LIN9: variants seen among roughly 807,000 people sequenced by gnomAD.
LIN9 encodes the protein protein lin-9 homolog.
In LIN9, 18 loss-of-function variants were observed where a neutral mutation model predicts 78.0. The ratio of observed to expected loss-of-function variants is 0.23; its 90% CI spans 0.16 to 0.34. The LOEUF is 0.34. Ranked by LOEUF, LIN9 falls within the 10% of genes least tolerant of loss-of-function variation. LIN9 has a pLI of 1.00. For synonymous variants in LIN9, 192 were observed against 215.2 expected (o/e 0.89, Z 0.94); for missense variants, 451 against 644.1 (o/e 0.70, Z 3.25).
intron 11 of LIN9, among the ~76,000 whole-genome samples, chr1:226,241,245 G>A (rs1237928167): frequency 1.3e-5 from 2 of 152,212 alleles, no homozygotes; most frequent in Non-Finnish European, 2.9e-5. Context: ...CAGGGATAAT[G>A]CAGGACATGC....
intron 10 of LIN9, among the ~76,000 whole-genome samples, chr1:226,260,934 C>T (rs1300570040): frequency 2.6e-5 from 4 of 151,828 alleles, no homozygotes; most frequent in African/African-American, 7.3e-5. Context: ...CGTGAGCCAC[C>T]GCACCCGGCC....
chr1:226,300,830 T>C (rs1662486577), intron 2 of LIN9, among the ~76,000 whole-genome samples: 1 of 152,222 alleles, frequency 6.6e-6, no homozygotes, highest in East Asian at 1.9e-4. Flanking sequence ...TACTCCAGCC[T>C]GGGCAACAGA....
rs188338577 is a variant in LIN9, at chr1:226,299,049, A to G, written c.65-1236T>C. Among the ~76,000 whole-genome samples, 171 of 152,352 alleles carry G rather than the reference A, an allele frequency of 1.1e-3. 1 individual carries two copies. Among genetic ancestry groups the G allele is most frequent in the African/African-American group, 3.8e-3 (158 of 41,584 alleles). ...ATGATTAGACATATTGTGAAAATAA[A>G]GAGGGGTAAGTTTAATTTTTGTAAA... On this transcript the variant is annotated intron_variant, in intron 2 of 14. Transcript: ENST00000681046.
intron 7 of LIN9, among the ~76,000 whole-genome samples, chr1:226,275,709 A>G (rs562738933): frequency 1.3e-4 from 19 of 146,062 alleles, no homozygotes; most frequent in Middle Eastern, 3.6e-3. Context: ...AAAAAAAAAA[A>G]AAAGAAAAAA....
In LIN9 at chr1:226,265,389, A is replaced by G; in HGVS notation, c.1038+144T>C. ...GTCTTTTTTGGTTTTTATAACTTTT[A>G]TTTTCAGGCTTTGTTGGAAATAGCA... On this transcript the variant is annotated intron_variant, in intron 10 of 14. Transcript: ENST00000681046. This position sits in a 1 kb window ranked among gnomAD's most constrained non-coding sequence, Gnocchi z 4.1. The G allele has an allele frequency of 4.4e-6, 2 of 459,602 alleles. No individual in the cohort carries two copies. The highest frequency in any genetic ancestry group is 7.8e-6 in the Non-Finnish European group (2 of 257,738). 28.5% of individuals were successfully genotyped at this position (459,602 alleles called of 1,614,324 possible). A position where few individuals can be genotyped will look rare whatever the true frequency, so the allele number is the denominator to read the frequency against.
intron 11 of LIN9, among the ~76,000 whole-genome samples, chr1:226,243,826 T>C (rs769576895): frequency 2.6e-4 from 39 of 151,820 alleles, no homozygotes; most frequent in Admixed American, 9.8e-4. Context: ...AGAATGGTAA[T>C]TTTTTAAAGA....
intron 12 of LIN9, among the ~76,000 whole-genome samples, chr1:226,235,098 C>T (rs571493869): frequency 3.3e-5 from 5 of 151,404 alleles, no homozygotes; most frequent in African/African-American, 1.2e-4. Context: ...TTTGGGAGGC[C>T]GAGGTGGGTG....
intron 4 of LIN9, among the ~76,000 whole-genome samples, chr1:226,289,305 ACACAGT>A (rs1263951947): frequency 6.6e-6 from 1 of 152,096 alleles, no homozygotes; most frequent in African/African-American, 2.4e-5. Flanking sequence ...AGGCATTAAA[ACACAGT>A]ATAAAGTCAT....
intron 10 of LIN9, among the ~76,000 whole-genome samples, chr1:226,260,417 A>C (rs1659488009): frequency 6.6e-6 from 1 of 152,140 alleles, no homozygotes; most frequent in Non-Finnish European, 1.5e-5. Context: ...ATGTACTCAT[A>C]GTCCTAGCTA....
At chr1:226,283,229 C>T (rs1323431011) in intron 6 of LIN9, among the ~76,000 whole-genome samples, 1 of 150,422 alleles carries the variant, frequency 6.6e-6, no homozygotes, top group African/African-American at 2.5e-5. Flanking sequence ...AGAGCTCAAG[C>T]GATACTCCCA....
chr1:226,238,261 G>A (rs76381970), intron 12 of LIN9, among the ~76,000 whole-genome samples: 207 of 152,268 alleles, frequency 1.4e-3, no homozygotes, highest in African/African-American at 4.7e-3. Flanking sequence ...TCAGAACTTT[G>A]TGAGAAAAAG....
intron 10 of LIN9, among the ~76,000 whole-genome samples, chr1:226,258,894 C>CAAAAAAAAAAAAAAA (rs770169450): frequency 7.3e-5 from 4 of 54,778 alleles, no homozygotes; most frequent in East Asian, 6.0e-4. Context: ...TCTGTCTCAA[C>CAAAAAAAAAAAAAAA]AAAAAAAAAA....
chr1:226,264,657 C>T (rs1659804142), intron 10 of LIN9, among the ~76,000 whole-genome samples: 1 of 152,062 alleles, frequency 6.6e-6, no homozygotes, highest in South Asian at 2.1e-4. Flanking sequence ...ACCAGCCTGG[C>T]CAGCACAGTG....
chr1:226,273,872 CTG>C (rs1457327100), intron 7 of LIN9, among the ~76,000 whole-genome samples: 3 of 148,222 alleles, frequency 2.0e-5, no homozygotes, highest in Admixed American at 6.8e-5. Context: ...GAGTCTCACT[CTG>C]TCACCCAGGC....
chr1:226,298,449 C>T (rs1418016538), intron 2 of LIN9, among the ~76,000 whole-genome samples: 1 of 152,220 alleles, frequency 6.6e-6, no homozygotes, highest in African/African-American at 2.4e-5. Flanking sequence ...TTCAGGTGAT[C>T]TACCCGCCTC....
intron 1 of LIN9, among the ~76,000 whole-genome samples, chr1:226,302,896 A>G (rs148708920): frequency 1.9e-4 from 29 of 152,290 alleles, no homozygotes; most frequent in African/African-American, 6.7e-4. Flanking sequence ...CTAAACCTCA[A>G]CTGACTTTTT....
At chr1:226,263,630 T>C (rs143083109) in intron 10 of LIN9, among the ~76,000 whole-genome samples, 37 of 152,322 alleles carry the variant, frequency 2.4e-4, no homozygotes, top group African/African-American at 8.7e-4. Context: ...TTACTTCTAC[T>C]ATTTAAAAGA....
chr1:226,267,537 G>C (rs148123997), intron 8 of LIN9, among the ~76,000 whole-genome samples: 65 of 151,554 alleles, frequency 4.3e-4, no homozygotes, highest in Middle Eastern at 3.4e-3. Context: ...TCATGCAAAA[G>C]TGAAGGTAAT....
At chr1:226,279,365 C>T (rs973431305) in intron 6 of LIN9, among the ~76,000 whole-genome samples, 4 of 148,768 alleles carry the variant, frequency 2.7e-5, no homozygotes, top group Admixed American at 6.7e-5. Flanking sequence ...AGGCTGAGGC[C>T]GGAGGATCAT....
Sources: allele counts gnomAD v4.1 joint callset (sites outside exome capture counted in the v4.1 genomes callset), GRCh38; gene constraint gnomAD v4.1.1; non-coding constraint Gnocchi (gnomAD v3.1); transcripts MANE v1.5; gene names NCBI Gene and HGNC (gene_info 2026-07-23, HGNC 2026-07-21).